RICTOR: variants seen among roughly 807,000 people sequenced by gnomAD.
RICTOR encodes the protein RPTOR independent companion of MTOR complex 2, also known as rapamycin-insensitive companion of mTOR.
A neutral mutation model predicts 214.9 loss-of-function variants in RICTOR; 49 were observed. The ratio of observed to expected loss-of-function variants is 0.23; its 90% confidence interval spans 0.18 to 0.29. The LOEUF is 0.29. RICTOR is among the 10% of genes least tolerant of loss of function. RICTOR has a pLI of 1.00. For missense variants in RICTOR, 1,625 were observed against 2,047.0 expected, an observed-to-expected ratio of 0.79 and a Z score of 3.98; for synonymous variants, 717 against 711.3, an observed-to-expected ratio of 1.01 and a Z score of -0.13.
chr5:39,056,580 C>T (rs943184562), intron 2 of RICTOR, among the ~76,000 whole-genome samples: 8 of 151,608 alleles, frequency 5.3e-5, no homozygotes, highest in Non-Finnish European at 1.2e-4. Flanking sequence ...GAGGCTGCAG[C>T]GAGCCATGAT....
chr5:39,023,514 G>A (rs918647349), intron 2 of RICTOR, among the ~76,000 whole-genome samples: 2 of 152,212 alleles, frequency 1.3e-5, no homozygotes, highest in African/African-American at 4.8e-5. Flanking sequence ...CTCCGGAATA[G>A]AGTGTCAATT....
chr5:38,957,711 CT>C lies in RICTOR; in HGVS notation c.2439del (p.Gly814AspfsTer5). On this transcript the variant is annotated frameshift_variant, in exon 25 of 38. Transcript: ENST00000357387. LOFTEE classifies it high-confidence loss of function. ...LLLLRFLSIP[K>X]GFSYLNERGY... ...CCTCTTTCATTCAGATAGGAAAATC[CT>C]TTTGGAATGGAGAGAAATCTGCAAA... 6.3e-7 allele frequency: 1 copy of C among 1,587,116 alleles called. No homozygotes were observed. The highest frequency in any genetic ancestry group is 1.1e-5 in the South Asian group (1 of 87,640).
At chr5:39,024,692 G>A (rs1014755086) in intron 2 of RICTOR, among the ~76,000 whole-genome samples, 1 of 152,144 alleles carries the variant, frequency 6.6e-6, no homozygotes, top group African/African-American at 2.4e-5. Context: ...ATTAACTCGT[G>A]ACAATATAGT....
At chr5:39,037,343 TA>T (rs1275120910) in intron 2 of RICTOR, among the ~76,000 whole-genome samples, 4 of 151,724 alleles carry the variant, frequency 2.6e-5, no homozygotes, top group African/African-American at 9.7e-5. Context: ...TTTATAGCAC[TA>T]AATGCCCACA....
intron 2 of RICTOR, among the ~76,000 whole-genome samples, chr5:39,027,865 C>A (rs1313715751): frequency 6.6e-6 from 1 of 152,064 alleles, no homozygotes; most frequent in East Asian, 1.9e-4. Context: ...AATGAAAAGA[C>A]AATCCACAAA....
At chr5:39,053,277 C>T (rs1757969636) in intron 2 of RICTOR, among the ~76,000 whole-genome samples, 1 of 152,148 alleles carries the variant, frequency 6.6e-6, no homozygotes, top group Admixed American at 6.5e-5. Flanking sequence ...AGTCAACAAA[C>T]CAAAACACAG....
intron 2 of RICTOR, among the ~76,000 whole-genome samples, chr5:39,040,043 A>G (rs1270230606): frequency 6.6e-6 from 1 of 152,156 alleles, no homozygotes; most frequent in African/African-American, 2.4e-5. Flanking sequence ...CACTATTCGC[A>G]ACAGCAAAGA....
At chr5:38,945,157 A>G in intron 34 of RICTOR, 89 bp from the exon 35 acceptor site, 1 of 941,194 alleles carries the variant, frequency 1.1e-6, no homozygotes, top group South Asian at 1.7e-5. Flanking sequence ...ATAATATAAA[A>G]TAACATCTTC....
At chr5:39,046,661 C>T (rs948512346) in intron 2 of RICTOR, among the ~76,000 whole-genome samples, 1 of 152,088 alleles carries the variant, frequency 6.6e-6, no homozygotes, top group Admixed American at 6.6e-5. Context: ...CCATATTTCC[C>T]GTGGTTTCTG....
intron 7 of RICTOR, among the ~76,000 whole-genome samples, chr5:38,988,855 A>C (rs1176333516): frequency 6.6e-6 from 1 of 152,206 alleles, no homozygotes; most frequent in Admixed American, 6.5e-5. Flanking sequence ...TGCTCAAGGA[A>C]ATAAGAGAGA....
chr5:39,013,706 AACAC>A (rs764205455), intron 3 of RICTOR, among the ~76,000 whole-genome samples: 1 of 151,766 alleles, frequency 6.6e-6, no homozygotes, highest in Non-Finnish European at 1.5e-5. Flanking sequence ...TTTAGACACA[AACAC>A]ACACACACAG....
At chr5:38,944,173 G>C (rs1310086380) in intron 36 of RICTOR, 1 of 520,634 alleles carries the variant, frequency 1.9e-6, no homozygotes, top group African/African-American at 1.9e-5. Flanking sequence ...AAAGTGAGAA[G>C]AGTGGCATTA....
rs1747424963 is a variant in RICTOR, at chr5:38,940,345, G to C, written c.*1959C>G. 4.3e-6 allele frequency: 1 copy of C among 230,668 alleles called. No individual in the cohort carries two copies. The highest frequency in any genetic ancestry group is 1.8e-4 in the South Asian group (1 of 5,510). 14.3% of individuals were successfully genotyped at this position (230,668 alleles called of 1,614,324 possible). Reference sequence around the variant, plus strand: ...TATTAACTGAGGTAGTGTTTAAAATGAATGTCTAAAATATGTTAATCCCAT... The same window carrying C: ...TATTAACTGAGGTAGTGTTTAAAATCAATGTCTAAAATATGTTAATCCCAT... On this transcript the variant is annotated 3_prime_UTR_variant, in exon 38 of 38. Transcript: ENST00000357387.
chr5:39,045,515 A>C (rs16868014), intron 2 of RICTOR, among the ~76,000 whole-genome samples: 3,497 of 152,256 alleles, frequency 0.023, 139 homozygotes, highest in African/African-American at 0.08. Flanking sequence ...AGGCTTCCAC[A>C]GTTCTCTAAT....
intron 3 of RICTOR, among the ~76,000 whole-genome samples, chr5:39,020,664 C>T (rs1307304722): frequency 4.6e-5 from 7 of 152,102 alleles, no homozygotes; most frequent in African/African-American, 1.2e-4. Context: ...GACTTTATTG[C>T]GACACTTTAT....
In RICTOR at chr5:38,971,944, C is replaced by A; in HGVS notation, c.905G>T (p.Cys302Phe). ...CTGGATCCCAGAATTTCCAGGTTTACATAAATTAATAATACCTAAAGAGGA... is the reference window on the plus strand; with the variant it reads ...CTGGATCCCAGAATTTCCAGGTTTAAATAAATTAATAATACCTAAAGAGGA... ...FRSWAGIINL[C>F]KPGNSGIQSL... Residue 302 changes from cysteine (C) to phenylalanine (F), a missense_variant, in exon 11 of 38, where the codon TGT becomes TTT. Around this residue, in one of 5 missense-constraint regions of RICTOR, gnomAD observed 258 missense variants for 393.7 expected, o/e 0.66. Coordinates refer to ENST00000357387, the MANE Select transcript of RICTOR (RefSeq NM_152756.5). 1 of 1,429,082 alleles carries A rather than the reference C, an allele frequency of 7.0e-7. No homozygotes were observed. The highest frequency in any genetic ancestry group is 2.3e-5 in the East Asian group (1 of 43,642). The allele number at this position is 1,429,082 out of a possible 1,614,324, so 88.5% of individuals were successfully genotyped here. A position where few individuals can be genotyped will look rare whatever the true frequency, so the allele number is the denominator to read the frequency against.
intron 2 of RICTOR, 41 bp downstream of exon 2, chr5:39,074,070 C>G: frequency 6.5e-7 from 1 of 1,528,060 alleles, no homozygotes; most frequent in Non-Finnish European, 8.8e-7. Flanking sequence ...GGCTCCTCCC[C>G]AGCAGCGCGC....
At chr5:39,004,938 C>T (rs1453231744) in intron 3 of RICTOR, among the ~76,000 whole-genome samples, 1 of 151,996 alleles carries the variant, frequency 6.6e-6, no homozygotes, top group African/African-American at 2.4e-5. Flanking sequence ...TGTGCCACCA[C>T]GCCCAGCTAA....
chr5:39,044,084 T>C (rs1757335091), intron 2 of RICTOR, among the ~76,000 whole-genome samples: 1 of 152,204 alleles, frequency 6.6e-6, no homozygotes, highest in African/African-American at 2.4e-5. Context: ...TATACACATA[T>C]CAAAATGACA....
Sources: allele counts gnomAD v4.1 joint callset (sites outside exome capture counted in the v4.1 genomes callset), GRCh38; gene constraint gnomAD v4.1.1; regional missense constraint gnomAD v4.1.1; transcripts MANE v1.5; gene names NCBI Gene and HGNC (gene_info 2026-07-23, HGNC 2026-07-21).